The following TTLL5 variants were observed in gnomAD, a reference collection of about 807,000 sequenced individuals.
TTLL5 encodes tubulin polyglutamylase TTLL5.
In TTLL5, 132 loss-of-function variants were observed where a neutral mutation model predicts 168.4. The observed-to-expected ratio is 0.78, with a 90% CI of 0.68 to 0.91. The LOEUF (loss-of-function observed/expected upper bound fraction) is 0.91, where lower values mean the gene tolerates loss of function less well. TTLL5 is among the 40% of genes least tolerant of loss of function. TTLL5 has a pLI of 0.00. For synonymous variants in TTLL5, 546 were observed against 558.6 expected, an observed-to-expected ratio of 0.98 and a Z score of 0.32; for missense variants, 1,545 against 1,581.5, an observed-to-expected ratio of 0.98 and a Z score of 0.39.
Position 75,849,681 on chromosome 14 carries a change from A to G in TTLL5, c.3327-13986A>G, listed in dbSNP as rs375002425. On this transcript the variant is annotated intron_variant, in intron 28 of 31. Coordinates refer to ENST00000298832, the MANE Select transcript of TTLL5 (RefSeq NM_015072.5). ...GTAACTTCATTTCCCTTCAAGGTAGAATTACTTTGGTAAGAGAAGACCAGG... is the reference window on the plus strand; with the variant it reads ...GTAACTTCATTTCCCTTCAAGGTAGGATTACTTTGGTAAGAGAAGACCAGG... Among the ~76,000 whole-genome samples the G allele has an allele frequency of 1.7e-3, 255 of 152,326 alleles. 1 individual carries two copies. In the South Asian group the frequency reaches 0.03, roughly 18 times the overall value.
intron 3 of TTLL5, among the ~76,000 whole-genome samples, chr14:75,672,106 C>G (rs1594845262): frequency 6.6e-6 from 1 of 152,296 alleles, no homozygotes. Flanking sequence ...TTTTCCACAT[C>G]AACTGAAATG....
intron 15 of TTLL5, chr14:75,737,753 G>T: frequency 1.2e-6 from 1 of 807,370 alleles, no homozygotes; most frequent in African/African-American, 1.7e-5. Flanking sequence ...GAAAATGAAT[G>T]CATAGAAGTC....
intron 20 of TTLL5, among the ~76,000 whole-genome samples, chr14:75,766,861 A>G (rs1890992857): frequency 1.3e-5 from 2 of 152,098 alleles, no homozygotes; most frequent in African/African-American, 4.8e-5. Flanking sequence ...TGCTAGGTAG[A>G]GGCAATAAAG....
intron 3 of TTLL5, among the ~76,000 whole-genome samples, chr14:75,675,764 G>A (rs538279491): frequency 1.3e-5 from 2 of 152,082 alleles, no homozygotes; most frequent in South Asian, 2.1e-4. Flanking sequence ...TTCTTGTTAC[G>A]GGAGAGAAAG....
chr14:75,904,959 T>C (rs1265083870), intron 31 of TTLL5, among the ~76,000 whole-genome samples: 1 of 152,004 alleles, frequency 6.6e-6, no homozygotes, highest in East Asian at 1.9e-4. Context: ...GTACAACTAG[T>C]AAGTAACTGC....
At chr14:75,775,406 T>C in intron 21 of TTLL5, 78 bp from the exon 22 acceptor site, 2 of 1,509,864 alleles carry the variant, frequency 1.3e-6, no homozygotes, top group Non-Finnish European at 1.8e-6. Context: ...CTCTGTTATA[T>C]AATGCCTTCA....
At chr14:75,734,482 G>A (rs1888761586) in intron 14 of TTLL5, among the ~76,000 whole-genome samples, 3 of 152,182 alleles carry the variant, frequency 2.0e-5, no homozygotes, top group Admixed American at 2.0e-4. Flanking sequence ...AAGTAGATAA[G>A]CCAAAACTTT....
At chr14:75,743,552 A>G (rs1320343045) in intron 15 of TTLL5, among the ~76,000 whole-genome samples, 1 of 143,652 alleles carries the variant, frequency 7.0e-6, no homozygotes, top group Non-Finnish European at 1.5e-5. Context: ...AGAGAGAGTG[A>G]GATCAAACTC....
chr14:75,928,342 C>CATATATATATATATAT (rs3034073), intron 31 of TTLL5, among the ~76,000 whole-genome samples: 4,562 of 81,554 alleles, frequency 0.056, 392 homozygotes, highest in Middle Eastern at 0.077. Flanking sequence ...ATGACAAAAA[C>CATATATATATATATAT]ATATATATAT....
At chr14:75,662,215 A>T (rs1460255225) in intron 1 of TTLL5, among the ~76,000 whole-genome samples, 1 of 152,070 alleles carries the variant, frequency 6.6e-6, no homozygotes, top group Non-Finnish European at 1.5e-5. Context: ...TTGATTCAAG[A>T]GAATATATTC....
chr14:75,735,367 C>A, intron 15 of TTLL5, 78 bp downstream of exon 15: 1 of 1,405,004 alleles, frequency 7.1e-7, no homozygotes, highest in Non-Finnish European at 1.0e-6. Flanking sequence ...GGAGCAGAAG[C>A]ACTGTGGGTA....
At chr14:75,899,938 CTTT>C (rs34675657) in intron 30 of TTLL5, among the ~76,000 whole-genome samples, 122,621 of 144,102 alleles carry the variant, frequency 0.85, 52,055 homozygotes, top group East Asian at 0.91. Flanking sequence ...GGCTTCTTCC[CTTT>C]TTTTTTTTTT....
chr14:75,837,889 C>G (rs1313134887), intron 28 of TTLL5, among the ~76,000 whole-genome samples: 1 of 150,856 alleles, frequency 6.6e-6, no homozygotes, highest in Non-Finnish European at 1.5e-5. Context: ...GTATACACAC[C>G]CATACACACA....
intron 3 of TTLL5, 59 bp downstream of exon 3, chr14:75,669,581 TAAA>T: frequency 6.8e-7 from 1 of 1,470,618 alleles, no homozygotes; most frequent in South Asian, 1.3e-5. Context: ...GTCCTTGTCT[TAAA>T]GAAGTTGATA....
intron 15 of TTLL5, 73 bp from the exon 16 acceptor site, chr14:75,745,022 A>G (rs1889516436): frequency 1.7e-6 from 2 of 1,180,554 alleles, no homozygotes; most frequent in Non-Finnish European, 2.4e-6. Context: ...TGTTGAGGGA[A>G]TGAACAGAGG....
intron 31 of TTLL5, among the ~76,000 whole-genome samples, chr14:75,914,033 A>AAAT: frequency 5.1e-4 from 36 of 71,092 alleles, no homozygotes; most frequent in Non-Finnish European, 5.6e-4. Flanking sequence ...AAAAAAAAAA[A>AAAT]ATATATATAT....
chr14:75,670,487 C>T (rs945201410), intron 3 of TTLL5, among the ~76,000 whole-genome samples: 7 of 152,140 alleles, frequency 4.6e-5, no homozygotes, highest in African/African-American at 1.4e-4. Context: ...TAACTTATTC[C>T]GTGTCAAACT....
chr14:75,710,891 T>C (rs1887028093), intron 9 of TTLL5: 1 of 152,222 alleles, frequency 6.6e-6, no homozygotes, highest in Admixed American at 6.5e-5. Context: ...CCATAATCTT[T>C]CCTAAAGAGA....
chr14:75,904,716 A>G (rs2033074345), intron 31 of TTLL5, among the ~76,000 whole-genome samples: 1 of 152,218 alleles, frequency 6.6e-6, no homozygotes, highest in African/African-American at 2.4e-5. Flanking sequence ...GGTAACAAGC[A>G]GATCATTCTT....
Sources: allele counts gnomAD v4.1 joint callset (sites outside exome capture counted in the v4.1 genomes callset), GRCh38; gene constraint gnomAD v4.1.1; transcripts MANE v1.5; gene names NCBI Gene and HGNC (gene_info 2026-07-23, HGNC 2026-07-21).